The following CSMD1 variants were observed in gnomAD, a reference collection of about 807,000 sequenced individuals.
The protein encoded by CSMD1 is CUB and sushi domain-containing protein 1.
Under a neutral mutation model 417.5 loss-of-function variants are expected in CSMD1, and 213 were observed. The ratio of observed to expected loss-of-function variants is 0.51; its 90% CI spans 0.46 to 0.57. The LOEUF (loss-of-function observed/expected upper bound fraction) is 0.57, where lower values mean the gene tolerates loss of function less well. CSMD1 is among the 20% of genes least tolerant of loss of function. CSMD1 has a pLI of 0.00. For missense variants in CSMD1, 6,923 were observed against 4,529.7 expected (o/e 1.53, Z -15.17); for synonymous variants, 2,862 against 1,736.8 (o/e 1.65, Z -16.11).
At chr8:3,471,366 T>C (rs773616944) in intron 11 of CSMD1, among the ~76,000 whole-genome samples, 2 of 152,182 alleles carry the variant, frequency 1.3e-5, no homozygotes, top group Non-Finnish European at 2.9e-5. Flanking sequence ...TGTCAGAAAT[T>C]AGCAGTTTTG....
At chr8:4,175,032 T>C (rs1389387448) in intron 3 of CSMD1, among the ~76,000 whole-genome samples, 1 of 151,812 alleles carries the variant, frequency 6.6e-6, no homozygotes, top group East Asian at 2.0e-4. Context: ...TTAAGTATAT[T>C]ACATTCCTTT....
chr8:3,926,989 C>T (rs962677361), intron 5 of CSMD1, among the ~76,000 whole-genome samples: 29 of 151,978 alleles, frequency 1.9e-4, no homozygotes, highest in Admixed American at 1.1e-3. Flanking sequence ...GCTAGGATTA[C>T]AGGCGTGAGC....
intron 23 of CSMD1, among the ~76,000 whole-genome samples, chr8:3,320,782 C>T (rs545249126): frequency 6.6e-6 from 1 of 152,182 alleles, no homozygotes; most frequent in South Asian, 2.1e-4. Context: ...TGGGCTTATT[C>T]CTGAGGCATT....
intron 3 of CSMD1, among the ~76,000 whole-genome samples, chr8:4,357,975 T>G (rs1022742699): frequency 6.6e-5 from 10 of 152,152 alleles, no homozygotes; most frequent in African/African-American, 2.4e-4. Flanking sequence ...AGACTCAGTT[T>G]AAGATGTATA....
At position 4,485,434 on chromosome 8, in the gene CSMD1, G is replaced by A. The variant is rs372061989; in HGVS notation, c.303-65369C>T. On this transcript the variant is annotated intron_variant, in intron 2 of 69. Transcript: ENST00000635120. ...ACTGACTCTCACAGAGAGAGGAAGG[G>A]CTTCTATGGATTCACAAGTTCCTTC... Among the ~76,000 whole-genome samples the A allele has an allele frequency of 2.0e-4, 30 of 152,290 alleles. No homozygotes were observed. In the South Asian group the frequency reaches 6.2e-3, roughly 32 times the overall value.
chr8:4,053,645 G>C (rs77225983), intron 3 of CSMD1, among the ~76,000 whole-genome samples: 2 of 151,986 alleles, frequency 1.3e-5, no homozygotes, highest in Non-Finnish European at 2.9e-5. Context: ...TGCATAGAGT[G>C]TCATATACAT....
intron 1 of CSMD1, among the ~76,000 whole-genome samples, chr8:4,772,747 C>T (rs537842038): frequency 6.6e-6 from 1 of 152,054 alleles, no homozygotes; most frequent in Non-Finnish European, 1.5e-5. Context: ...GATTCAGATC[C>T]CGGAAGAACC....
chr8:3,578,935 A>C (rs572221471), intron 9 of CSMD1, among the ~76,000 whole-genome samples: 2 of 152,346 alleles, frequency 1.3e-5, no homozygotes, highest in East Asian at 3.9e-4. Context: ...GGATATCTGT[A>C]GACGCACGTT....
At chr8:3,990,356 A>G (rs955511353) in intron 5 of CSMD1, among the ~76,000 whole-genome samples, 2 of 152,214 alleles carry the variant, frequency 1.3e-5, no homozygotes, top group African/African-American at 4.8e-5. Flanking sequence ...ATATTACACC[A>G]GAACTGTAGA....
At chr8:4,324,509 G>C (rs375922756) in intron 3 of CSMD1, among the ~76,000 whole-genome samples, 12 of 152,180 alleles carry the variant, frequency 7.9e-5, no homozygotes, top group African/African-American at 2.9e-4. Flanking sequence ...GCACACAAAA[G>C]AGGGTTCTTC....
chr8:3,885,834 T>C (rs1442589999), intron 5 of CSMD1, among the ~76,000 whole-genome samples: 3 of 152,176 alleles, frequency 2.0e-5, no homozygotes, highest in Non-Finnish European at 4.4e-5. Flanking sequence ...GTGTCTGACC[T>C]GGCAAACGTC....
chr8:3,697,400 G>C (rs1238211054), intron 7 of CSMD1, among the ~76,000 whole-genome samples: 2 of 152,112 alleles, frequency 1.3e-5, no homozygotes, highest in Admixed American at 1.3e-4. Flanking sequence ...AGTTCATCTT[G>C]ATATTTAACT....
At chr8:3,372,955 T>G (rs1422879561) in intron 18 of CSMD1, among the ~76,000 whole-genome samples, 1 of 152,176 alleles carries the variant, frequency 6.6e-6, no homozygotes, top group Non-Finnish European at 1.5e-5. Context: ...AGGTTTGGAT[T>G]CGTAACTTTT....
chr8:4,590,509 T>A (rs1338819415), intron 2 of CSMD1, among the ~76,000 whole-genome samples: 1 of 152,168 alleles, frequency 6.6e-6, no homozygotes, highest in African/African-American at 2.4e-5. Context: ...TTTCATATAT[T>A]TGAAGCGCTA....
At chr8:3,293,155 C>G (rs1372952167) in intron 25 of CSMD1, among the ~76,000 whole-genome samples, 1 of 152,076 alleles carries the variant, frequency 6.6e-6, no homozygotes, top group African/African-American at 2.4e-5. Context: ...AATATTGCCC[C>G]CACTCTCTTC....
chr8:4,434,731 G>C (rs1027517209), intron 2 of CSMD1, among the ~76,000 whole-genome samples: 2 of 152,108 alleles, frequency 1.3e-5, no homozygotes, highest in African/African-American at 4.8e-5. Context: ...TGCTCATCCG[G>C]TGATTTTGGG....
At chr8:4,476,165 AAT>A (rs1317686920) in intron 2 of CSMD1, among the ~76,000 whole-genome samples, 5 of 152,070 alleles carry the variant, frequency 3.3e-5, no homozygotes, top group African/African-American at 1.2e-4. Flanking sequence ...TTCCAATTAA[AAT>A]ATAGTTTGCT....
chr8:4,195,345 C>T (rs1799268184), intron 3 of CSMD1, among the ~76,000 whole-genome samples: 1 of 152,142 alleles, frequency 6.6e-6, no homozygotes, highest in East Asian at 1.9e-4. Flanking sequence ...GATAAGTTAA[C>T]AAATCACCCT....
chr8:3,643,387 G>C (rs535336410), intron 7 of CSMD1, among the ~76,000 whole-genome samples: 1 of 152,116 alleles, frequency 6.6e-6, no homozygotes, highest in South Asian at 2.1e-4. Context: ...GACCTCCAGA[G>C]TCCCTGAGTG....
Sources: gnomAD v4.1 joint callset for allele counts (sites outside exome capture counted in the v4.1 genomes callset) on GRCh38, gnomAD v4.1.1 for gene constraint, MANE v1.5 for transcripts, NCBI Gene and HGNC (gene_info 2026-07-23, HGNC 2026-07-21) for gene names.